The following LRFN2 variants were observed in gnomAD, a reference collection of about 807,000 sequenced individuals.
The protein encoded by LRFN2 is leucine-rich repeat and fibronectin type-III domain-containing protein 2.
LRFN2 carries 18 observed loss-of-function variants against 37.3 expected under a neutral mutation model. That is an observed-to-expected ratio of 0.48 (90% confidence interval 0.33 to 0.72). The LOEUF is 0.72. Ranked by LOEUF, LRFN2 falls within the 30% of genes least tolerant of loss-of-function variation. The pLI is 0.02. For synonymous variants in LRFN2, 556 were observed against 466.6 expected, an observed-to-expected ratio of 1.19 and a Z score of -2.47; for missense variants, 1,006 against 1,060.7, an observed-to-expected ratio of 0.95 and a Z score of 0.72.
chr6:40,399,059 G>GGA (rs1017443862), intron 2 of LRFN2, among the ~76,000 whole-genome samples: 7 of 152,024 alleles, frequency 4.6e-5, no homozygotes, highest in South Asian at 2.1e-4. Flanking sequence ...TGGAGGCACT[G>GGA]GAGAGAGAGA....
chr6:40,520,344 G>A (rs901261623), intron 1 of LRFN2, among the ~76,000 whole-genome samples: 1 of 152,148 alleles, frequency 6.6e-6, no homozygotes, highest in African/African-American at 2.4e-5. Context: ...GGTGCAGGGA[G>A]GGGGAGCAAG....
intron 1 of LRFN2, among the ~76,000 whole-genome samples, chr6:40,530,173 C>T (rs1056839296): frequency 3.3e-5 from 5 of 152,180 alleles, no homozygotes; most frequent in Admixed American, 2.0e-4. Context: ...CTCTGTGCCA[C>T]CCAAGCATAC....
At chr6:40,566,476 A>G (rs1485092380) in intron 1 of LRFN2, among the ~76,000 whole-genome samples, 1 of 152,180 alleles carries the variant, frequency 6.6e-6, no homozygotes, top group Non-Finnish European at 1.5e-5. Context: ...AAAGACTTGG[A>G]ACCAACCCAA....
chr6:40,488,353 C>T (rs1765013404), intron 1 of LRFN2, among the ~76,000 whole-genome samples: 1 of 151,914 alleles, frequency 6.6e-6, no homozygotes, highest in South Asian at 2.1e-4. Flanking sequence ...CCAACCCCCA[C>T]CGCCATCCCC....
chr6:40,466,480 A>G (rs1271534183), intron 1 of LRFN2, among the ~76,000 whole-genome samples: 1 of 151,708 alleles, frequency 6.6e-6, no homozygotes, highest in Non-Finnish European at 1.5e-5. Context: ...AAAGACAGCC[A>G]TTAGCATCCA....
chr6:40,399,438 C>CTTTTTTTTTTTTTTTTT (rs71543989), intron 2 of LRFN2, among the ~76,000 whole-genome samples: 6 of 108,922 alleles, frequency 5.5e-5, no homozygotes, highest in Admixed American at 1.0e-4. Flanking sequence ...TTTTTTTTTT[C>CTTTTTTTTTTTTTTTTT]TTTTTTTTTT....
Position 40,392,806 on chromosome 6 carries a change from T to G in LRFN2, c.1507A>C (p.Thr503Pro). The G allele has an allele frequency of 2.5e-6, 4 of 1,613,994 alleles. No homozygotes were observed. The highest frequency in any genetic ancestry group is 3.4e-6 in the Non-Finnish European group (4 of 1,179,992). Residue 503 changes from threonine (T) to proline (P), a missense_variant, in exon 3 of 3, where the codon ACG becomes CCG. This residue lies in a region of LRFN2 where 120 missense variants were observed against 178.4 expected (regional missense o/e 0.67). Coordinates refer to ENST00000338305, the MANE Select transcript of LRFN2 (RefSeq NM_020737.3). This position sits in a 1 kb window ranked among gnomAD's most constrained non-coding sequence, Gnocchi z 4.7. Reference protein sequence around the residue: ...AMWDDTATTLTATNIVGCAQF... With the variant: ...AMWDDTATTLPATNIVGCAQF... Reference sequence around the variant, plus strand: ...GCGCAGCCCACGATGTTGGTGGCCGTGAGTGTCGTGGCTGTGTCATCCCAC... The same window carrying G: ...GCGCAGCCCACGATGTTGGTGGCCGGGAGTGTCGTGGCTGTGTCATCCCAC...
intron 1 of LRFN2, among the ~76,000 whole-genome samples, chr6:40,483,040 G>C (rs1764872547): frequency 2.0e-5 from 3 of 152,184 alleles, no homozygotes; most frequent in Non-Finnish European, 4.4e-5. Context: ...AAGGCACCAG[G>C]GTGGTTGAGA....
intron 2 of LRFN2, among the ~76,000 whole-genome samples, chr6:40,409,866 G>A (rs1446954929): frequency 6.6e-6 from 1 of 152,164 alleles, no homozygotes; most frequent in East Asian, 1.9e-4. Flanking sequence ...TGGGCATCCG[G>A]CTGCTGAGTT....
intron 1 of LRFN2, among the ~76,000 whole-genome samples, chr6:40,542,519 GC>G (rs941132035): frequency 7.2e-5 from 11 of 152,062 alleles, no homozygotes; most frequent in African/African-American, 2.2e-4. Context: ...TCAATCAGCA[GC>G]CCTGGGCAGC....
chr6:40,494,638 C>T (rs1765180338), intron 1 of LRFN2, among the ~76,000 whole-genome samples: 1 of 152,106 alleles, frequency 6.6e-6, no homozygotes, highest in African/African-American at 2.4e-5. Flanking sequence ...CATTGTCCCT[C>T]TTAGCACCAA....
intron 1 of LRFN2, among the ~76,000 whole-genome samples, chr6:40,489,750 T>C (rs1289102303): frequency 1.3e-5 from 2 of 151,968 alleles, no homozygotes; most frequent in East Asian, 1.9e-4. Flanking sequence ...TAGGGAAAAA[T>C]AATGACAGAA....
At chr6:40,408,254 C>CA (rs1242552501) in intron 2 of LRFN2, among the ~76,000 whole-genome samples, 1 of 152,024 alleles carries the variant, frequency 6.6e-6, no homozygotes, top group Non-Finnish European at 1.5e-5. Context: ...TAAAAAATGG[C>CA]AAAAAATATC....
At chr6:40,445,042 T>C (rs1763937295) in intron 1 of LRFN2, among the ~76,000 whole-genome samples, 1 of 151,946 alleles carries the variant, frequency 6.6e-6, no homozygotes, top group African/African-American at 2.4e-5. Context: ...TCAGCAGCAA[T>C]GATTCAACCA....
intron 2 of LRFN2, among the ~76,000 whole-genome samples, chr6:40,406,102 C>T (rs550756885): frequency 9.9e-5 from 15 of 152,272 alleles, no homozygotes; most frequent in African/African-American, 3.4e-4. Context: ...ACTGCACCAC[C>T]GGGGTTCAAG....
intron 1 of LRFN2, among the ~76,000 whole-genome samples, chr6:40,450,645 G>T (rs1351142268): frequency 6.6e-6 from 1 of 152,214 alleles, no homozygotes; most frequent in Non-Finnish European, 1.5e-5. Context: ...GCAACACCAA[G>T]TGAGGACACT....
intron 2 of LRFN2, among the ~76,000 whole-genome samples, chr6:40,401,142 G>A (rs967890542): frequency 3.6e-5 from 5 of 140,680 alleles, no homozygotes; most frequent in African/African-American, 1.0e-4. Context: ...GAATAGGAAT[G>A]GGAATGGAGT....
At chr6:40,516,015 T>C (rs1312338871) in intron 1 of LRFN2, among the ~76,000 whole-genome samples, 1 of 152,130 alleles carries the variant, frequency 6.6e-6, no homozygotes, top group Non-Finnish European at 1.5e-5. Context: ...CCAGGGGGAT[T>C]AGGCTCCAGT....
intron 2 of LRFN2, among the ~76,000 whole-genome samples, chr6:40,404,164 A>G (rs1579558): frequency 0.33 from 50,357 of 152,076 alleles, 8,973 homozygotes; most frequent in South Asian, 0.59. Context: ...TTTTTCCCCA[A>G]TGCATTTTTA....
Sources: gnomAD v4.1 joint callset for allele counts (sites outside exome capture counted in the v4.1 genomes callset) on GRCh38, gnomAD v4.1.1 for gene constraint, gnomAD v4.1.1 regional missense constraint, Gnocchi (gnomAD v3.1) non-coding constraint, MANE v1.5 for transcripts, NCBI Gene and HGNC (gene_info 2026-07-23, HGNC 2026-07-21) for gene names.